FYN: variants seen among roughly 807,000 people sequenced by gnomAD.
FYN encodes FYN proto-oncogene, Src family tyrosine kinase, also known as tyrosine-protein kinase Fyn.
A neutral mutation model predicts 70.2 loss-of-function variants in FYN; 10 were observed. The ratio of observed to expected loss-of-function variants is 0.14; its 90% CI spans 0.09 to 0.24. The LOEUF is 0.24. FYN is among the 10% of genes least tolerant of loss of function. The pLI, the probability that FYN is intolerant of heterozygous loss-of-function variation, is 1.00. For synonymous variants in FYN, 236 were observed against 248.6 expected (o/e 0.95, Z 0.48); for missense variants, 319 against 673.1 (o/e 0.47, Z 5.82).
intron 12 of FYN, among the ~76,000 whole-genome samples, chr6:111,685,550 G>C (rs1344413695): frequency 6.6e-6 from 1 of 152,170 alleles, no homozygotes; most frequent in Non-Finnish European, 1.5e-5. Flanking sequence ...TCAGAACTTG[G>C]GGCAGTTTAC....
Position 111,765,853 on chromosome 6 carries a change from G to C in FYN, c.-12+14713C>G, listed in dbSNP as rs374089697. The stretch of plus-strand genomic sequence containing the variant: ...AGCAGGAAGGCATCCCAAGAGGTTA[G>C]AAAATGAGTGTTCAAAGCCCTCCAA... On this transcript the variant is annotated intron_variant, in intron 3 of 13. Transcript: ENST00000354650. Among the ~76,000 whole-genome samples the C allele has an allele frequency of 1.7e-3, 263 of 152,082 alleles. 11 individuals are homozygous for C. In the South Asian group the frequency reaches 0.051, roughly 30 times the overall value.
chr6:111,712,623 C>T (rs1021259153), intron 5 of FYN, among the ~76,000 whole-genome samples: 13 of 152,204 alleles, frequency 8.5e-5, no homozygotes, highest in East Asian at 3.8e-4. Context: ...AGATATCAAA[C>T]GATGACGTCG....
intron 1 of FYN, among the ~76,000 whole-genome samples, chr6:111,864,567 T>C (rs1418032942): frequency 6.6e-6 from 1 of 151,440 alleles, no homozygotes; most frequent in Non-Finnish European, 1.5e-5. Flanking sequence ...ATGAGGATGA[T>C]GATGAGGTGG....
intron 12 of FYN, chr6:111,676,533 C>T (rs1004887966): frequency 1.2e-4 from 18 of 152,322 alleles, no homozygotes; most frequent in African/African-American, 4.3e-4. Context: ...ATTCTGTTCA[C>T]GCAGCTTTGG....
chr6:111,760,046 A>T (rs889365152), intron 3 of FYN: 10 of 151,894 alleles, frequency 6.6e-5, no homozygotes, highest in Admixed American at 4.6e-4. Context: ...ATGTGAAAAC[A>T]TTCTTTACGT....
chr6:111,826,963 G>A (rs956016528), intron 2 of FYN, among the ~76,000 whole-genome samples: 5 of 152,178 alleles, frequency 3.3e-5, no homozygotes, highest in Admixed American at 2.0e-4. Context: ...TTGAGGCGCT[G>A]TGAGGGGAAG....
chr6:111,783,624 T>C (rs543344058), intron 2 of FYN, among the ~76,000 whole-genome samples: 1 of 152,332 alleles, frequency 6.6e-6, no homozygotes, highest in Admixed American at 6.5e-5. Context: ...TCACAGACTA[T>C]TGTATGACTC....
intron 2 of FYN, among the ~76,000 whole-genome samples, chr6:111,812,604 C>CTTTTTTTTTTTT (rs369326017): frequency 9.9e-6 from 1 of 101,318 alleles, no homozygotes; most frequent in African/African-American, 3.4e-5. Flanking sequence ...AGAAATTTTC[C>CTTTTTTTTTTTT]TTTTTTTTTT....
intron 1 of FYN, among the ~76,000 whole-genome samples, chr6:111,848,035 T>C (rs1456714580): frequency 6.6e-6 from 1 of 152,258 alleles, no homozygotes; most frequent in African/African-American, 2.4e-5. Flanking sequence ...ATCTAGACAC[T>C]GCTAAGCTGT....
intron 2 of FYN, among the ~76,000 whole-genome samples, chr6:111,814,786 C>T (rs1196862191): frequency 6.6e-6 from 1 of 152,122 alleles, no homozygotes; most frequent in Non-Finnish European, 1.5e-5. Flanking sequence ...AATTAATTTT[C>T]CATTAAAATG....
intron 3 of FYN, among the ~76,000 whole-genome samples, chr6:111,750,051 C>T (rs1802414294): frequency 6.6e-6 from 1 of 152,192 alleles, no homozygotes. Context: ...TGTACAACTG[C>T]TACTAACATA....
intron 3 of FYN, among the ~76,000 whole-genome samples, chr6:111,776,229 C>A (rs911569703): frequency 6.6e-6 from 1 of 152,104 alleles, no homozygotes; most frequent in African/African-American, 2.4e-5. Flanking sequence ...ACAGCAAAGG[C>A]ATGGAAATGG....
intron 3 of FYN, among the ~76,000 whole-genome samples, chr6:111,734,905 T>C (rs1801642585): frequency 6.6e-6 from 1 of 152,194 alleles, no homozygotes; most frequent in Non-Finnish European, 1.5e-5. Flanking sequence ...TAAAGTCAAG[T>C]ACACATGGCC....
chr6:111,769,906 C>T (rs988394137), intron 3 of FYN, among the ~76,000 whole-genome samples: 1 of 152,044 alleles, frequency 6.6e-6, no homozygotes, highest in African/African-American at 2.4e-5. Flanking sequence ...GCTGAGCTAG[C>T]AGTTATGACC....
At chr6:111,764,216 C>CAAAAAA (rs11409465) in intron 3 of FYN, among the ~76,000 whole-genome samples, 12,078 of 56,058 alleles carry the variant, frequency 0.22, 1,316 homozygotes, top group East Asian at 0.36. Flanking sequence ...TTTTGTCAAG[C>CAAAAAA]AAAAAAAAAA....
At chr6:111,693,609 A>G (rs145545512) in intron 12 of FYN, among the ~76,000 whole-genome samples, 1 of 152,220 alleles carries the variant, frequency 6.6e-6, no homozygotes, top group East Asian at 1.9e-4. Context: ...CTTAAAGGCT[A>G]ATTTCTATAA....
At chr6:111,749,679 T>C (rs1192868985) in intron 3 of FYN, among the ~76,000 whole-genome samples, 1 of 152,230 alleles carries the variant, frequency 6.6e-6, no homozygotes, top group Non-Finnish European at 1.5e-5. Context: ...TTTTGCATGA[T>C]TGTAGAGTTT....
At chr6:111,725,552 AAGGTACTG>A (rs1801153163) in intron 3 of FYN, among the ~76,000 whole-genome samples, 1 of 152,184 alleles carries the variant, frequency 6.6e-6, no homozygotes, top group African/African-American at 2.4e-5. Context: ...AGCATTTCCC[AAGGTACTG>A]AAGCAGAGAA....
At chr6:111,757,151 CGGCTAAGTATTA>C (rs1238218922) in intron 3 of FYN, among the ~76,000 whole-genome samples, 1 of 152,142 alleles carries the variant, frequency 6.6e-6, no homozygotes, top group Non-Finnish European at 1.5e-5. Flanking sequence ...TTTCAGCAAA[CGGCTAAGTATTA>C]GTTTAATATG....
Sources: allele counts gnomAD v4.1 joint callset (sites outside exome capture counted in the v4.1 genomes callset), GRCh38; gene constraint gnomAD v4.1.1; transcripts MANE v1.5; gene names NCBI Gene and HGNC (gene_info 2026-07-23, HGNC 2026-07-21).